The following STOX2 variants were observed in gnomAD, a reference collection of about 807,000 sequenced individuals.
STOX2 encodes the protein storkhead-box protein 2.
STOX2 carries 28 observed loss-of-function variants against 60.9 expected under a neutral mutation model. That is an observed-to-expected ratio of 0.46 (90% CI 0.34 to 0.63). The LOEUF (loss-of-function observed/expected upper bound fraction) is 0.63. Ranked by LOEUF, STOX2 falls within the 30% of genes least tolerant of loss-of-function variation. The probability of loss-of-function intolerance (pLI) is 0.01; values close to 1 mark genes in which losing one functional copy is unlikely to be tolerated. For missense variants in STOX2, 1,024 were observed against 1,187.7 expected, an observed-to-expected ratio of 0.86 and a Z score of 2.03; for synonymous variants, 472 against 463.9, an observed-to-expected ratio of 1.02 and a Z score of -0.22.
chr4:184,000,760 G>A (rs1459285727), intron 1 of STOX2, among the ~76,000 whole-genome samples: 2 of 123,454 alleles, frequency 1.6e-5, no homozygotes, highest in Non-Finnish European at 3.7e-5. Flanking sequence ...TCAGCACCCA[G>A]GTGTTGTTCT....
chr4:183,947,302 G>T (rs1049283174), intron 1 of STOX2, among the ~76,000 whole-genome samples: 1 of 151,534 alleles, frequency 6.6e-6, no homozygotes, highest in South Asian at 2.1e-4. Context: ...ATTTTTTTCC[G>T]CATAGTTTTG....
chr4:183,950,661 T>C (rs1743041687), intron 1 of STOX2, among the ~76,000 whole-genome samples: 1 of 121,554 alleles, frequency 8.2e-6, no homozygotes, highest in African/African-American at 3.2e-5. Context: ...TGGTTGGGCA[T>C]GCAATAGCGC....
chr4:183,867,231 T>G (rs754693713), intron 1 of STOX2, among the ~76,000 whole-genome samples: 1 of 152,228 alleles, frequency 6.6e-6, no homozygotes, highest in African/African-American at 2.4e-5. Flanking sequence ...ACATCTCCAT[T>G]TGCCGCTGTC....
At chr4:183,979,774 A>G (rs900237777) in intron 1 of STOX2, among the ~76,000 whole-genome samples, 1 of 152,168 alleles carries the variant, frequency 6.6e-6, no homozygotes, top group Non-Finnish European at 1.5e-5. Context: ...GGAAAAGATG[A>G]AAGTAAAAGG....
chr4:183,845,410 C>A (rs1739963317), intron 1 of STOX2, among the ~76,000 whole-genome samples: 1 of 152,066 alleles, frequency 6.6e-6, no homozygotes, highest in Non-Finnish European at 1.5e-5. Flanking sequence ...TAGAATATAT[C>A]ACATGGAATT....
chr4:183,988,132 A>G (rs1170620678), intron 1 of STOX2: 1 of 152,138 alleles, frequency 6.6e-6, no homozygotes, highest in Admixed American at 6.5e-5. Flanking sequence ...GCGTCTCCGC[A>G]CTGCACAGAC....
At chr4:183,808,607 T>C (rs1207444818) in intron 1 of STOX2, among the ~76,000 whole-genome samples, 1 of 152,238 alleles carries the variant, frequency 6.6e-6, no homozygotes, top group African/African-American at 2.4e-5. Context: ...ACGTTTTAAA[T>C]ATAGGAAATG....
chr4:184,014,079 T>C (rs903303053), intron 3 of STOX2: 2 of 140,962 alleles, frequency 1.4e-5, no homozygotes, highest in Admixed American at 7.3e-5. Flanking sequence ...AATCTTTCAG[T>C]AAATAATTCA....
intron 1 of STOX2, among the ~76,000 whole-genome samples, chr4:183,883,716 G>A (rs1414967816): frequency 1.3e-5 from 2 of 152,144 alleles, no homozygotes; most frequent in Non-Finnish European, 2.9e-5. Flanking sequence ...TAGGTGAATG[G>A]AATGAGGAGA....
chr4:183,871,173 G>C (rs1159952059), intron 1 of STOX2, among the ~76,000 whole-genome samples: 1 of 152,188 alleles, frequency 6.6e-6, no homozygotes, highest in Non-Finnish European at 1.5e-5. Flanking sequence ...TTTATTCCTT[G>C]CAGTGAGACC....
chr4:183,800,727 ATTAT>A (rs1438094887), intron 1 of STOX2, among the ~76,000 whole-genome samples: 1 of 152,192 alleles, frequency 6.6e-6, no homozygotes, highest in African/African-American at 2.4e-5. Context: ...GGGGATACAG[ATTAT>A]TTATAAAAAT....
At chr4:183,899,029 C>G (rs1054081906) in intron 1 of STOX2, among the ~76,000 whole-genome samples, 8 of 152,146 alleles carry the variant, frequency 5.3e-5, no homozygotes, top group African/African-American at 1.9e-4. Context: ...TGTGGCAGTT[C>G]TCTCAATATT....
At position 184,006,394 on chromosome 4, in the gene STOX2, A is replaced by G. The variant is rs182651033; in HGVS notation, c.320-2764A>G. Among the ~76,000 whole-genome samples, 399 of 152,248 alleles carry G rather than the reference A, an allele frequency of 2.6e-3. 1 individual carries two copies. The highest frequency in any genetic ancestry group is 9.0e-3 in the African/African-American group (373 of 41,546). On this transcript the variant is annotated intron_variant, in intron 2 of 3. Transcript: ENST00000308497. ...CATCATTCCTGAGACTGCGGTGCAG[A>G]GGTGTGCCCTCATCTCAGAAGGTAT...
chr4:183,901,606 T>G (rs1404780461), upstream of STOX2, among the ~76,000 whole-genome samples: 2 of 151,896 alleles, frequency 1.3e-5, no homozygotes, highest in Non-Finnish European at 1.5e-5. Flanking sequence ...TATTTTTTTT[T>G]TTTTTTTGAT....
At chr4:183,948,683 C>T (rs1002767913) in intron 1 of STOX2, among the ~76,000 whole-genome samples, 1 of 151,844 alleles carries the variant, frequency 6.6e-6, no homozygotes, top group Non-Finnish European at 1.5e-5. Context: ...AGGCACCCAC[C>T]ACCACACCTG....
In STOX2 at chr4:184,021,380, T is replaced by G. The variant is rs1462885884; in HGVS notation, c.*4096T>G. On this transcript the variant is annotated 3_prime_UTR_variant, in exon 4 of 4. Transcript: ENST00000308497. Reference sequence around the variant, plus strand: ...GAAATCACAAAATACAATGCTATTTTTCTGATGTGTGCTAATAAAGTCAAA... The same window carrying G: ...GAAATCACAAAATACAATGCTATTTGTCTGATGTGTGCTAATAAAGTCAAA... 5 of 152,208 alleles carry G rather than the reference T, an allele frequency of 3.3e-5. No homozygotes were observed. The highest frequency in any genetic ancestry group is 4.8e-5 in the African/African-American group (2 of 41,442). The allele number at this position is 152,208 out of a possible 1,614,324, so 9.4% of individuals were successfully genotyped here.
intron 1 of STOX2, among the ~76,000 whole-genome samples, chr4:183,890,908 G>T (rs1026501925): frequency 2.6e-5 from 4 of 152,270 alleles, no homozygotes; most frequent in African/African-American, 7.2e-5. Context: ...AGGAGTTTGA[G>T]ATCAGCCTGG....
intron 1 of STOX2, among the ~76,000 whole-genome samples, chr4:183,976,730 T>G (rs1287727136): frequency 6.6e-6 from 1 of 152,194 alleles, no homozygotes; most frequent in Non-Finnish European, 1.5e-5. Flanking sequence ...AAAAGAAACC[T>G]GTAGCTAACA....
chr4:183,902,066 T>G (rs1741474634), upstream of STOX2, among the ~76,000 whole-genome samples: 1 of 152,218 alleles, frequency 6.6e-6, no homozygotes, highest in Non-Finnish European at 1.5e-5. Flanking sequence ...TCCCCAGTAC[T>G]CTATTGGGCC....
Sources: gnomAD v4.1 joint callset for allele counts (sites outside exome capture counted in the v4.1 genomes callset) on GRCh38, gnomAD v4.1.1 for gene constraint, MANE v1.5 for transcripts, NCBI Gene and HGNC (gene_info 2026-07-23, HGNC 2026-07-21) for gene names.